Variants in TSHR observed in about 807,000 individuals in gnomAD.
TSHR encodes the protein thyrotropin receptor.
TSHR carries 51 observed loss-of-function variants against 64.1 expected under a neutral mutation model. That is an observed-to-expected ratio of 0.80 (90% CI 0.64 to 1.01). The LOEUF is 1.01. Among genes scored for constraint, TSHR ranks in the 50% least tolerant of loss-of-function variants. The pLI is 0.00. For missense variants in TSHR, 877 were observed against 942.8 expected, an observed-to-expected ratio of 0.93 and a Z score of 0.91; for synonymous variants, 361 against 361.9, an observed-to-expected ratio of 1.00 and a Z score of 0.03.
intron 1 of TSHR, among the ~76,000 whole-genome samples, chr14:81,015,990 G>A (rs1362611640): frequency 6.6e-6 from 1 of 152,046 alleles, no homozygotes; most frequent in African/African-American, 2.4e-5. Context: ...ATTCTATTGT[G>A]TATATGTGCC....
At chr14:81,093,262 G>A (rs1337399199) in intron 6 of TSHR, among the ~76,000 whole-genome samples, 1 of 152,232 alleles carries the variant, frequency 6.6e-6, no homozygotes, top group African/African-American at 2.4e-5. Context: ...GAGCCTGAAT[G>A]GGGGCAAAGC....
chr14:80,980,527 TTGA>T (rs1888114244), intron 1 of TSHR, among the ~76,000 whole-genome samples: 1 of 152,256 alleles, frequency 6.6e-6, no homozygotes, highest in Non-Finnish European at 1.5e-5. Context: ...TATCCTTCTC[TTGA>T]TGTTTTCATC....
At chr14:81,104,420 A>T (rs987122487) in intron 7 of TSHR, 2 of 985,286 alleles carry the variant, frequency 2.0e-6, no homozygotes, top group Non-Finnish European at 2.4e-6. Flanking sequence ...GCTGCAATGT[A>T]TCCTAAAACT....
At chr14:81,059,785 T>G (rs1249975043) in intron 1 of TSHR, among the ~76,000 whole-genome samples, 1 of 152,162 alleles carries the variant, frequency 6.6e-6, no homozygotes, top group Non-Finnish European at 1.5e-5. Context: ...AATATCTTGT[T>G]TGTGGAATTA....
chr14:80,959,570 C>CCTTA (rs1222746131), intron 1 of TSHR: 1 of 152,192 alleles, frequency 6.6e-6, no homozygotes, highest in Non-Finnish European at 1.5e-5. Context: ...TGCTGGCACG[C>CCTTA]CTTACTGTGT....
At chr14:81,087,832 C>G in intron 3 of TSHR, 122 bp from the exon 4 acceptor site, 1 of 800,960 alleles carries the variant, frequency 1.2e-6, no homozygotes, top group South Asian at 1.4e-5. Flanking sequence ...CCTGGGGTAC[C>G]CTGTGGCGTA....
At chr14:81,051,924 G>T (rs1885455867) in intron 1 of TSHR, 1 of 151,956 alleles carries the variant, frequency 6.6e-6, no homozygotes, top group Non-Finnish European at 1.5e-5. Context: ...ATATATTTTT[G>T]ATATGAGTCC....
chr14:81,084,352 A>T (rs950523113), intron 3 of TSHR, among the ~76,000 whole-genome samples: 1 of 149,798 alleles, frequency 6.7e-6, no homozygotes, highest in Non-Finnish European at 1.5e-5. Context: ...CATCCTCTTT[A>T]TTACTTTTTT....
intron 8 of TSHR, among the ~76,000 whole-genome samples, chr14:81,112,608 A>G (rs1280574716): frequency 1.3e-5 from 2 of 152,226 alleles, no homozygotes; most frequent in Non-Finnish European, 2.9e-5. Flanking sequence ...CTCCCTAGCC[A>G]GCCTTTGAAA....
chr14:81,064,644 T>C (rs952807435), intron 2 of TSHR, among the ~76,000 whole-genome samples: 4 of 152,080 alleles, frequency 2.6e-5, no homozygotes, highest in African/African-American at 9.7e-5. Flanking sequence ...AATAAATAAG[T>C]AAATTAGATA....
rs114053928 is a variant in TSHR, at chr14:81,099,227, G to A, written c.614+2520G>A. ...ATCAGTCTTCTTGTCCAATTGTCAC[G>A]TTTTACATATGAAGGGAATGAAGCC... On this transcript the variant is annotated intron_variant, in intron 7 of 9. Coordinates refer to ENST00000298171, the MANE Select transcript of TSHR (RefSeq NM_000369.5). Among the ~76,000 whole-genome samples, 686 of 151,450 alleles carry A rather than the reference G, an allele frequency of 4.5e-3. 6 individuals carry two copies. The highest frequency in any genetic ancestry group is 0.016 in the African/African-American group (656 of 41,188).
chr14:81,102,991 C>T, intron 7 of TSHR: 1 of 985,366 alleles, frequency 1.0e-6, no homozygotes, highest in Non-Finnish European at 1.2e-6. Flanking sequence ...AATGCTCCAT[C>T]ATTCTACCCT....
chr14:81,085,916 G>A (rs1888253545), intron 3 of TSHR, among the ~76,000 whole-genome samples: 1 of 152,212 alleles, frequency 6.6e-6, no homozygotes, highest in African/African-American at 2.4e-5. Context: ...AAAATTATGA[G>A]ATTTTGGAGT....
At chr14:81,029,717 G>A (rs556391761) in intron 1 of TSHR, among the ~76,000 whole-genome samples, 1 of 152,162 alleles carries the variant, frequency 6.6e-6, no homozygotes. Context: ...GTTAATCAAA[G>A]CATTTGACAT....
intron 7 of TSHR, 76 bp from the exon 8 acceptor site, chr14:81,108,299 T>G: frequency 8.5e-7 from 1 of 1,175,156 alleles, no homozygotes; most frequent in Non-Finnish European, 1.3e-6. Context: ...TTTATTCTGA[T>G]ATTTGTACTA....
chr14:80,971,855 G>A (rs1309502676), intron 1 of TSHR, among the ~76,000 whole-genome samples: 1 of 151,942 alleles, frequency 6.6e-6, no homozygotes, highest in Non-Finnish European at 1.5e-5. Context: ...ATGATTGGGG[G>A]ACAGTCACCA....
chr14:81,056,301 G>T (rs755682965), intron 1 of TSHR, among the ~76,000 whole-genome samples: 1 of 152,024 alleles, frequency 6.6e-6, no homozygotes, highest in Non-Finnish European at 1.5e-5. Context: ...TATCAGTAGC[G>T]TGAAAATGAA....
chr14:81,008,408 A>AAG (rs1210476022), intron 1 of TSHR, among the ~76,000 whole-genome samples: 1 of 152,068 alleles, frequency 6.6e-6, no homozygotes, highest in Non-Finnish European at 1.5e-5. Context: ...TCCTGACTTC[A>AAG]TGATCTGCCC....
chr14:81,031,989 G>A (rs1459912046), intron 1 of TSHR, among the ~76,000 whole-genome samples: 1 of 152,150 alleles, frequency 6.6e-6, no homozygotes. Context: ...CAAGAAACAC[G>A]ACACTGCCAA....
Sources: gnomAD v4.1 joint callset for allele counts (sites outside exome capture counted in the v4.1 genomes callset) on GRCh38, gnomAD v4.1.1 for gene constraint, MANE v1.5 for transcripts, NCBI Gene and HGNC (gene_info 2026-07-23, HGNC 2026-07-21) for gene names.